Variants in NCKAP5 observed in about 807,000 individuals in gnomAD.
NCKAP5 encodes NCK associated protein 5.
Under a neutral mutation model 167.0 loss-of-function variants are expected in NCKAP5, and 92 were observed. The observed-to-expected ratio is 0.55, with a 90% CI of 0.47 to 0.66. The LOEUF (loss-of-function observed/expected upper bound fraction) is 0.66, where lower values mean the gene tolerates loss of function less well. Ranked by LOEUF, NCKAP5 falls within the 30% of genes least tolerant of loss-of-function variation. NCKAP5 has a pLI of 0.00. For missense variants in NCKAP5, 2,378 were observed against 2,315.0 expected (o/e 1.03, Z -0.56); for synonymous variants, 891 against 877.4 (o/e 1.02, Z -0.27).
intron 5 of NCKAP5, among the ~76,000 whole-genome samples, chr2:133,199,499 G>A (rs1050821157): frequency 6.6e-6 from 1 of 151,910 alleles, no homozygotes; most frequent in African/African-American, 2.4e-5. Flanking sequence ...TATCATCAAG[G>A]TAATGCAAAT....
intron 7 of NCKAP5, among the ~76,000 whole-genome samples, chr2:132,985,651 A>C (rs1481980907): frequency 6.6e-6 from 1 of 152,222 alleles, no homozygotes; most frequent in African/African-American, 2.4e-5. Flanking sequence ...TTATATGAAC[A>C]GTGGATGCCA....
At chr2:132,811,873 A>C (rs10460263) in intron 11 of NCKAP5, among the ~76,000 whole-genome samples, 1 of 151,952 alleles carries the variant, frequency 6.6e-6, no homozygotes, top group South Asian at 2.1e-4. Flanking sequence ...TCCTCTGGCC[A>C]CCTTCCTGAT....
chr2:133,328,500 C>T (rs1682608884), intron 3 of NCKAP5, among the ~76,000 whole-genome samples: 1 of 152,224 alleles, frequency 6.6e-6, no homozygotes, highest in Non-Finnish European at 1.5e-5. Context: ...AAGTAACTAA[C>T]AATTTCTGAC....
chr2:133,116,073 T>C (rs1402125144), intron 6 of NCKAP5, among the ~76,000 whole-genome samples: 1 of 151,940 alleles, frequency 6.6e-6, no homozygotes, highest in Non-Finnish European at 1.5e-5. Context: ...TAAGGGTTCA[T>C]TAATCAAGTA....
At chr2:132,916,131 T>G (rs1447381808) in intron 8 of NCKAP5, among the ~76,000 whole-genome samples, 1 of 151,962 alleles carries the variant, frequency 6.6e-6, no homozygotes, top group East Asian at 1.9e-4. Context: ...ACAGAAATAT[T>G]CATGTTTGCA....
the NCKAP5 span, among the ~76,000 whole-genome samples, chr2:133,647,675 A>AAAGG: frequency 7.5e-5 from 10 of 133,276 alleles, no homozygotes; most frequent in East Asian, 4.6e-4. Flanking sequence ...GAGAGGAAAG[A>AAAGG]AAGGAAGGAA....
chr2:133,217,521 C>A (rs1351123274), intron 4 of NCKAP5, among the ~76,000 whole-genome samples: 1 of 151,950 alleles, frequency 6.6e-6, no homozygotes, highest in Non-Finnish European at 1.5e-5. Flanking sequence ...TATATTTTTC[C>A]TCTAAATAAG....
chr2:133,178,862 TCTC>T (rs2084603065), intron 5 of NCKAP5, among the ~76,000 whole-genome samples: 1 of 143,826 alleles, frequency 7.0e-6, no homozygotes, highest in African/African-American at 2.6e-5. Context: ...AACCCAGGTC[TCTC>T]CTAATATAAA....
At chr2:133,133,671 C>G (rs1318217247) in intron 5 of NCKAP5, among the ~76,000 whole-genome samples, 1 of 152,198 alleles carries the variant, frequency 6.6e-6, no homozygotes, top group Non-Finnish European at 1.5e-5. Flanking sequence ...GCTGCTGTCT[C>G]TAACTCCGAA....
At chr2:133,588,837 G>A in the NCKAP5 span, among the ~76,000 whole-genome samples, 1 of 152,126 alleles carries the variant, frequency 6.6e-6, no homozygotes, top group South Asian at 2.1e-4. Flanking sequence ...AGACTATTTA[G>A]GGACAAATGT....
At chr2:132,949,941 A>G (rs1197190695) in intron 8 of NCKAP5, among the ~76,000 whole-genome samples, 3 of 152,144 alleles carry the variant, frequency 2.0e-5, no homozygotes, top group Non-Finnish European at 4.4e-5. Context: ...CAAAAATACA[A>G]AAATTAGCCA....
chr2:133,014,298 C>T (rs1161948370), intron 6 of NCKAP5, among the ~76,000 whole-genome samples: 4 of 152,118 alleles, frequency 2.6e-5, no homozygotes, highest in Non-Finnish European at 4.4e-5. Context: ...AAAATATATG[C>T]CTTTGCTTTC....
At chr2:133,647,625 AGAAG>A in the NCKAP5 span, among the ~76,000 whole-genome samples, 66 of 139,852 alleles carry the variant, frequency 4.7e-4, no homozygotes, top group South Asian at 0.011. Context: ...ACAGAAAGAT[AGAAG>A]GAAGGAAGGA....
At chr2:133,254,450 C>T (rs1467083679) in intron 4 of NCKAP5, among the ~76,000 whole-genome samples, 1 of 152,020 alleles carries the variant, frequency 6.6e-6, no homozygotes, top group African/African-American at 2.4e-5. Flanking sequence ...AAGTCCCAGA[C>T]AATATCATGA....
At chr2:133,589,242 G>A in the NCKAP5 span, among the ~76,000 whole-genome samples, 7 of 152,198 alleles carry the variant, frequency 4.6e-5, no homozygotes, top group Admixed American at 1.3e-4. Context: ...GGATGAACTC[G>A]GGTTGGGAAT....
In NCKAP5 at chr2:132,790,053, C is replaced by A. The variant is rs374140536; in HGVS notation, c.1062G>T (p.Thr354=). 6.8e-6 allele frequency: 11 copies of A among 1,612,802 alleles called. No individual in the cohort carries two copies. The highest frequency in any genetic ancestry group is 7.6e-6 in the Non-Finnish European group (9 of 1,179,410). The change falls in exon 13 of 20, where the codon ACG becomes ACT. Residue 354 remains threonine (T), a synonymous_variant. Transcript: ENST00000409261. ...CSEYSSGSSY[T]WHDGKNLRKR... ...TCCTGAGGTTCTTCCCATCGTGCCA[C>A]GTGTAGGAGGAGCCACTGGAGTACT...
intron 11 of NCKAP5, among the ~76,000 whole-genome samples, chr2:132,812,675 A>G (rs931615143): frequency 6.6e-6 from 1 of 152,204 alleles, no homozygotes; most frequent in Non-Finnish European, 1.5e-5. Flanking sequence ...GATGTTACTG[A>G]GAAACGATTA....
At chr2:132,735,564 C>G (rs571500293) in intron 16 of NCKAP5, among the ~76,000 whole-genome samples, 36 of 152,240 alleles carry the variant, frequency 2.4e-4, no homozygotes, top group African/African-American at 8.2e-4. Context: ...AATTACCTAG[C>G]GTCAGGTATT....
chr2:133,062,748 A>G (rs1244108078), intron 6 of NCKAP5, among the ~76,000 whole-genome samples: 1 of 152,214 alleles, frequency 6.6e-6, no homozygotes, highest in African/African-American at 2.4e-5. Flanking sequence ...AATGTGTTAC[A>G]AAGTTAGATT....
Sources: allele counts gnomAD v4.1 joint callset (sites outside exome capture counted in the v4.1 genomes callset), GRCh38; gene constraint gnomAD v4.1.1; transcripts MANE v1.5; gene names NCBI Gene and HGNC (gene_info 2026-07-23, HGNC 2026-07-21).